The following CPNE9 variants were observed in gnomAD, a reference collection of about 807,000 sequenced individuals.
CPNE9 encodes copine family member 9.
Under a neutral mutation model 83.0 loss-of-function variants are expected in CPNE9, and 59 were observed. The observed-to-expected ratio is 0.71, with a 90% confidence interval of 0.58 to 0.88. The LOEUF is 0.88. CPNE9 is among the 40% of genes least tolerant of loss of function. CPNE9 has a pLI of 0.00. For missense variants in CPNE9, 619 were observed against 720.8 expected, an observed-to-expected ratio of 0.86 and a Z score of 1.62; for synonymous variants, 256 against 273.4, an observed-to-expected ratio of 0.94 and a Z score of 0.63.
intron 7 of CPNE9, 42 bp from the exon 8 acceptor site, chr3:9,712,499 C>G: frequency 6.4e-7 from 1 of 1,560,042 alleles, no homozygotes; most frequent in Non-Finnish European, 8.8e-7. Flanking sequence ...TCCTTGTTGC[C>G]TACCCTCCCT....
chr3:9,715,176 A>G, intron 11 of CPNE9, 113 bp from the exon 12 acceptor site: 2 of 1,227,634 alleles, frequency 1.6e-6, no homozygotes, highest in Admixed American at 1.9e-5. Context: ...CCCCAGCACT[A>G]GGCTGCCCTG....
intron 7 of CPNE9, among the ~76,000 whole-genome samples, chr3:9,709,641 T>C (rs1046072681): frequency 4.0e-5 from 6 of 151,856 alleles, no homozygotes; most frequent in African/African-American, 7.2e-5. Flanking sequence ...GTGCTGGGAT[T>C]ACAGACGTGA....
At chr3:9,726,799 G>A (rs2076788777) in intron 19 of CPNE9, 77 bp downstream of exon 19, 3 of 1,309,950 alleles carry the variant, frequency 2.3e-6, no homozygotes, top group East Asian at 2.3e-5. Flanking sequence ...ACTTGGGCCT[G>A]CCTCACAGAT....
rs947271474 is a variant in CPNE9, at chr3:9,712,475, G to A, written c.378-66G>A. 34 of 1,330,404 alleles carry A rather than the reference G, an allele frequency of 2.6e-5. 1 individual carries two copies. The highest frequency in any genetic ancestry group is 3.7e-5 in the Non-Finnish European group (34 of 921,494). 82.4% of individuals were successfully genotyped at this position (1,330,404 alleles called of 1,614,324 possible). ...GAATCCCCTGGCCCACCTAACCCCAGACTGGCCACTCAATCCTTGTTGCCT... is the reference window on the plus strand; with the variant it reads ...GAATCCCCTGGCCCACCTAACCCCAAACTGGCCACTCAATCCTTGTTGCCT... On this transcript the variant is annotated intron_variant, in intron 7 of 20. Transcript: ENST00000383832.
chr3:9,709,551 G>A (rs754157654), intron 7 of CPNE9, among the ~76,000 whole-genome samples: 20 of 151,224 alleles, frequency 1.3e-4, no homozygotes, highest in Non-Finnish European at 2.4e-4. Flanking sequence ...GTAGTTTTTA[G>A]TAGAGACGGG....
chr3:9,717,119 A>C lies in CPNE9; in HGVS notation c.931+15A>C. 6.2e-7 allele frequency: 1 copy of C among 1,614,060 alleles called. No homozygotes were observed. The highest frequency in any genetic ancestry group is 8.5e-7 in the Non-Finnish European group (1 of 1,179,922). On this transcript the variant is annotated intron_variant, in intron 15 of 20. Transcript: ENST00000383832. ...GGCTTCCAATGGTGAGACACGGATG[A>C]GTGAAAAAGTCGGAGGTGGGAAGGC...
In CPNE9 at chr3:9,715,470, T is replaced by A. The variant is rs774613494; in HGVS notation, c.769-3T>A. On this transcript the variant is annotated splice_region_variant and splice_polypyrimidine_tract_variant and intron_variant, in intron 12 of 20. Coordinates refer to ENST00000383832, the MANE Select transcript of CPNE9 (RefSeq NM_153635.3). ...CATCATCACTGTTACCTCCTCCCCT[T>A]AGGTTCTTAACCCTCGGAAGAAATG... 9 of 1,613,690 alleles carry A rather than the reference T, an allele frequency of 5.6e-6. No individual in the cohort carries two copies. The African/African-American group carries it at 8.0e-5, about 14-fold the overall frequency.
chr3:9,725,958 C>T lies in CPNE9; in HGVS notation c.1251C>T (p.Ala417=), dbSNP rs755149968. ...PVINQVARAA[A]KISDGSQYYV... Reference sequence around the variant, plus strand: ...TTGGCCTCTCATCCAGGGCTGCAGCCAAGATCTCTGATGGCTCCCAGTACT... The same window carrying T: ...TTGGCCTCTCATCCAGGGCTGCAGCTAAGATCTCTGATGGCTCCCAGTACT... The change falls in exon 18 of 21, where the codon GCC becomes GCT. Residue 417 remains alanine, a synonymous_variant. Coordinates refer to ENST00000383832, the MANE Select transcript of CPNE9 (RefSeq NM_153635.3). 1 of 1,612,910 alleles carries T rather than the reference C, an allele frequency of 6.2e-7. No homozygotes were observed. The highest frequency in any genetic ancestry group is 8.5e-7 in the Non-Finnish European group (1 of 1,179,194).
rs2076533512 is a variant in CPNE9, at chr3:9,704,102, A to ACTGCCC, written c.68+40_68+45dup. On this transcript the variant is annotated intron_variant, in intron 1 of 20. Coordinates refer to ENST00000383832, the MANE Select transcript of CPNE9 (RefSeq NM_153635.3). The surrounding 1 kb of genome is among the most constrained non-coding windows in gnomAD (Gnocchi z 7.1). Reference sequence around the variant, plus strand: ...CGCTGGGGAGGGCTTAGGCACTGGCACTGCCCCAGCCCCAGCCAGCCGCGG... The same window carrying ACTGCCC: ...CGCTGGGGAGGGCTTAGGCACTGGCACTGCCCCTGCCCCAGCCCCAGCCAGCCGCGG... The ACTGCCC allele has an allele frequency of 6.3e-7, 1 of 1,579,762 alleles. No homozygotes were observed. The highest frequency in any genetic ancestry group is 8.6e-7 in the Non-Finnish European group (1 of 1,161,486).
At chr3:9,716,421 G>T (rs1379385403) in intron 14 of CPNE9, among the ~76,000 whole-genome samples, 1 of 152,072 alleles carries the variant, frequency 6.6e-6, no homozygotes, top group Non-Finnish European at 1.5e-5. Flanking sequence ...GGCAGACCTG[G>T]GAAAGGTAAC....
rs930602322 is a variant in CPNE9, at chr3:9,726,722, G to C, written c.1402G>C (p.Ala468Pro). ...IVGVGPAMFE[A>P]MEELDGDDVR... ...CGGTGTAGGACCAGCCATGTTTGAG[G>C]GTGAGTAGGAAGGGGTGTCCCTGAG... Residue 468 changes from alanine to proline, a missense_variant and splice_region_variant, in exon 19 of 21, where the codon GCA becomes CCA. This residue lies in a region of CPNE9 where 438 missense variants were observed against 562.9 expected (regional missense o/e 0.78). Coordinates refer to ENST00000383832, the MANE Select transcript of CPNE9 (RefSeq NM_153635.3). 1.2e-6 allele frequency: 2 copies of C among 1,613,702 alleles called. No individual in the cohort carries two copies. Among genetic ancestry groups the C allele is most frequent in the Non-Finnish European group, 1.7e-6 (2 of 1,179,772 alleles).
chr3:9,704,634 G>C lies in CPNE9; in HGVS notation c.109+7G>C. 1 of 1,613,988 alleles carries C rather than the reference G, an allele frequency of 6.2e-7. No homozygotes were observed. Among genetic ancestry groups the C allele is most frequent in the Non-Finnish European group, 8.5e-7 (1 of 1,179,854 alleles). On this transcript the variant is annotated splice_region_variant and intron_variant, in intron 2 of 20. Transcript: ENST00000383832. This position sits in a 1 kb window ranked among gnomAD's most constrained non-coding sequence, Gnocchi z 7.1. ...TTCTCCAAGTCCGACCCCAGTAGGCGGCTCCAGGACCGGGAGGGGGAACTT... is the reference window on the plus strand; with the variant it reads ...TTCTCCAAGTCCGACCCCAGTAGGCCGCTCCAGGACCGGGAGGGGGAACTT...
In CPNE9 at chr3:9,729,510, G is replaced by T. The variant is rs201113356; in HGVS notation, c.1480G>T (p.Val494Phe). 17 of 1,611,228 alleles carry T rather than the reference G, an allele frequency of 1.1e-5. No homozygotes were observed. The highest frequency in any genetic ancestry group is 1.4e-5 in the Non-Finnish European group (16 of 1,177,796). Residue 494 changes from valine (V) to phenylalanine (F), a missense_variant, in exon 21 of 21, where the codon GTC (valine) becomes TTC (phenylalanine). By Grantham distance (50) the Val-to-Phe change is conservative. Around this residue, in one of 3 missense-constraint regions of CPNE9, gnomAD observed 438 missense variants for 562.9 expected, o/e 0.78. Coordinates refer to ENST00000383832, the MANE Select transcript of CPNE9 (RefSeq NM_153635.3). ...RYAERDIVQF[V>F]PFRDYVDRSG... The stretch of plus-strand genomic sequence containing the variant: ...TTCTTGTCTGTGCCTGACCCAGTTC[G>T]TCCCATTCCGAGACTATGTTGACCG...
At position 9,712,825 on chromosome 3, in the gene CPNE9, G is replaced by T; in HGVS notation, c.542G>T (p.Gly181Val). 6.2e-7 allele frequency: 1 copy of T among 1,613,560 alleles called. No individual in the cohort carries two copies. Among genetic ancestry groups the T allele is most frequent in the East Asian group, 2.2e-5 (1 of 44,882 alleles). The change falls in exon 9 of 21, where the codon GGC (glycine) becomes GTC (valine). Residue 181 changes from glycine (G) to valine (V), a missense_variant. Gly to Val is a moderately radical substitution (Grantham distance 109). Transcript: ENST00000383832. ...GTGTTCTACAGGAGCAATGAGGATG[G>T]CACGTGAGTCACTGCCATCAGGGCT... ...FLVFYRSNED[G>V]TFTICHKTEV...
chr3:9,709,823 C>G (rs898337349), intron 7 of CPNE9, among the ~76,000 whole-genome samples: 1 of 151,552 alleles, frequency 6.6e-6, no homozygotes, highest in Non-Finnish European at 1.5e-5. Flanking sequence ...AACTCTGTCT[C>G]TACTAAAAAT....
chr3:9,725,646 G>GTATATATGTATATATGTA (rs765750387), intron 17 of CPNE9, among the ~76,000 whole-genome samples: 1 of 65,074 alleles, frequency 1.5e-5, no homozygotes, highest in Admixed American at 1.6e-4. Flanking sequence ...ACATGTATGT[G>GTATATATGTATATATGTA]TATATATGTG....
chr3:9,716,532 G>A (rs1319408669), intron 14 of CPNE9, among the ~76,000 whole-genome samples: 1 of 151,660 alleles, frequency 6.6e-6, no homozygotes, highest in Non-Finnish European at 1.5e-5. Context: ...GTGCAATGGT[G>A]CGATCTTGGC....
intron 10 of CPNE9, among the ~76,000 whole-genome samples, chr3:9,713,790 G>A (rs1250057139): frequency 3.3e-5 from 5 of 152,094 alleles, no homozygotes; most frequent in Non-Finnish European, 7.4e-5. Flanking sequence ...AGATGGTAGG[G>A]GCCGGGCGCG....
At chr3:9,712,432 G>C (rs2076638744) in intron 7 of CPNE9, 109 bp from the exon 8 acceptor site, 2 of 860,502 alleles carry the variant, frequency 2.3e-6, no homozygotes, top group Non-Finnish European at 4.0e-6. Flanking sequence ...ACAAGGGACT[G>C]TCAGTAAATG....
Sources: gnomAD v4.1 joint callset for allele counts (sites outside exome capture counted in the v4.1 genomes callset) on GRCh38, gnomAD v4.1.1 for gene constraint, gnomAD v4.1.1 regional missense constraint, Gnocchi (gnomAD v3.1) non-coding constraint, MANE v1.5 for transcripts, NCBI Gene and HGNC (gene_info 2026-07-23, HGNC 2026-07-21) for gene names.